Variants in MYOM2 observed in about 807,000 individuals in gnomAD.
The protein encoded by MYOM2 is myomesin 2, also known as myomesin-2.
MYOM2 carries 254 observed loss-of-function variants against 187.6 expected under a neutral mutation model. The observed-to-expected ratio is 1.35, with a 90% CI of 1.22 to 1.50. The LOEUF (loss-of-function observed/expected upper bound fraction) is 1.50, where lower values mean the gene tolerates loss of function less well. Ranked by LOEUF, MYOM2 falls within the 40% of genes most tolerant of loss-of-function variation. The probability of loss-of-function intolerance (pLI) is 0.00; values close to 1 mark genes in which losing one functional copy is unlikely to be tolerated. For synonymous variants in MYOM2, 981 were observed against 753.8 expected (o/e 1.30, Z -4.94); for missense variants, 2,796 against 1,924.0 (o/e 1.45, Z -8.48).
chr8:2,144,255 G>A (rs955173515), intron 36 of MYOM2, among the ~76,000 whole-genome samples: 1 of 152,186 alleles, frequency 6.6e-6, no homozygotes, highest in African/African-American at 2.4e-5. Context: ...GTTATAAAAC[G>A]ATATATTCAA....
At chr8:2,045,734 C>G (rs184788361) in intron 1 of MYOM2, among the ~76,000 whole-genome samples, 105 of 152,316 alleles carry the variant, frequency 6.9e-4, no homozygotes, top group African/African-American at 2.4e-3. Context: ...CTTCTTTGTG[C>G]TGTTGGGTGT....
intron 6 of MYOM2, among the ~76,000 whole-genome samples, chr8:2,066,965 T>C (rs1270309886): frequency 2.0e-5 from 3 of 152,186 alleles, no homozygotes; most frequent in Admixed American, 1.3e-4. Context: ...AAGATAATGT[T>C]CTTGGTTTGA....
chr8:2,106,142 T>A (rs1796879828), intron 21 of MYOM2, 100 bp from the exon 22 acceptor site: 1 of 1,175,408 alleles, frequency 8.5e-7, no homozygotes, highest in Non-Finnish European at 1.2e-6. Context: ...AGATGAGATT[T>A]GGGTGTGGAC....
chr8:2,088,315 G>A (rs1048086816), intron 14 of MYOM2, among the ~76,000 whole-genome samples: 1 of 152,258 alleles, frequency 6.6e-6, no homozygotes, highest in African/African-American at 2.4e-5. Context: ...GCTTCAGGGG[G>A]TACCTGTGCA....
chr8:2,094,868 T>C (rs576849346), intron 17 of MYOM2, among the ~76,000 whole-genome samples: 1 of 152,192 alleles, frequency 6.6e-6, no homozygotes, highest in Non-Finnish European at 1.5e-5. Context: ...ATCCTAAATC[T>C]CAGGGACCGT....
At chr8:2,108,595 A>T (rs1796968175) in intron 23 of MYOM2, among the ~76,000 whole-genome samples, 191 bp from the exon 24 acceptor site, 1 of 152,002 alleles carries the variant, frequency 6.6e-6, no homozygotes, top group African/African-American at 2.4e-5. Flanking sequence ...CCCCTGTACT[A>T]GGTGGGTTCT....
chr8:2,076,167 C>G lies in MYOM2; in HGVS notation c.1147C>G (p.Pro383Ala). 6.2e-7 allele frequency: 1 copy of G among 1,612,832 alleles called. No individual in the cohort carries two copies. Among genetic ancestry groups the G allele is most frequent in the Non-Finnish European group, 8.5e-7 (1 of 1,179,790 alleles). The change falls in exon 11 of 37, where the codon CCC becomes GCC. Residue 383 changes from proline (P) to alanine (A), a missense_variant. Transcript: ENST00000262113. ...RDADPLVTGA[P>A]GAPMDLQCHD... ...TGCTGACCCGCTGGTCACAGGGGCC[C>G]CCGGTGCACCCATGGACTTGCAGTG...
chr8:2,095,962 A>C (rs1430006752), intron 17 of MYOM2, among the ~76,000 whole-genome samples: 2 of 152,218 alleles, frequency 1.3e-5, no homozygotes, highest in Non-Finnish European at 2.9e-5. Context: ...TCAAATGTTC[A>C]TACCAGATTT....
intron 6 of MYOM2, among the ~76,000 whole-genome samples, chr8:2,066,758 C>T (rs1819033095): frequency 6.6e-6 from 1 of 152,138 alleles, no homozygotes. Context: ...GTTGTTAATG[C>T]TTAGCATTGG....
At chr8:2,108,655 T>C in intron 23 of MYOM2, 131 bp from the exon 24 acceptor site, 1 of 876,526 alleles carries the variant, frequency 1.1e-6, no homozygotes, top group Non-Finnish European at 1.9e-6. Flanking sequence ...GACTTGTAGT[T>C]TAAATTCCTT....
At chr8:2,094,788 C>G (rs891419719) in intron 17 of MYOM2, among the ~76,000 whole-genome samples, 1 of 152,164 alleles carries the variant, frequency 6.6e-6, no homozygotes, top group African/African-American at 2.4e-5. Flanking sequence ...ATTTATGTAA[C>G]TTTGAGACTT....
chr8:2,103,849 G>A (rs118020642), intron 21 of MYOM2, among the ~76,000 whole-genome samples: 4,962 of 152,224 alleles, frequency 0.033, 99 homozygotes, highest in South Asian at 0.078. Context: ...ATGTGTATAT[G>A]TGTATGTATG....
chr8:2,086,498 C>CACAGTTGTGATCTCTGCGTGGCCCCCT (rs1796076967), intron 14 of MYOM2, among the ~76,000 whole-genome samples: 1 of 142,416 alleles, frequency 7.0e-6, no homozygotes, highest in Non-Finnish European at 1.6e-5. Context: ...TGTGGCCCCC[C>CACAGTTGTGATCTCTGCGTGGCCCCCT]ACTGTCGTGA....
rs1045347751 is a variant in MYOM2, at chr8:2,045,061, C to T, written c.-120C>T. The T allele has an allele frequency of 1.3e-5, 2 of 152,556 alleles. No individual in the cohort carries two copies. The highest frequency in any genetic ancestry group is 4.8e-5 in the African/African-American group (2 of 41,432). 9.5% of individuals were successfully genotyped at this position (152,556 alleles called of 1,614,324 possible). A position where few individuals can be genotyped will look rare whatever the true frequency, so the allele number is the denominator to read the frequency against. ...CTTAAACGGGAGGGAGGCACAGGCG[C>T]TTGCTTTGCAGGAGTCAGCTCTGCC... On this transcript the variant is annotated 5_prime_UTR_variant, in exon 1 of 37. Coordinates refer to ENST00000262113, the MANE Select transcript of MYOM2 (RefSeq NM_003970.4).
intron 32 of MYOM2, among the ~76,000 whole-genome samples, chr8:2,136,216 A>C (rs114617168): frequency 6.6e-6 from 1 of 152,114 alleles, no homozygotes; most frequent in African/African-American, 2.4e-5. Flanking sequence ...TCCCCGGCTC[A>C]TGGCTACCTT....
intron 27 of MYOM2, among the ~76,000 whole-genome samples, chr8:2,117,203 T>G (rs1481552455): frequency 6.6e-6 from 1 of 152,244 alleles, no homozygotes; most frequent in African/African-American, 2.4e-5. Flanking sequence ...TTTTACTTAC[T>G]TCTACATTAT....
At chr8:2,061,826 C>T (rs1347957555) in intron 6 of MYOM2, among the ~76,000 whole-genome samples, 3 of 152,354 alleles carry the variant, frequency 2.0e-5, no homozygotes, top group African/African-American at 7.2e-5. Flanking sequence ...TGGCCCTGCT[C>T]ACAGAGAGCT....
chr8:2,142,874 A>T (rs1178745535), intron 35 of MYOM2, among the ~76,000 whole-genome samples: 2 of 150,198 alleles, frequency 1.3e-5, no homozygotes, highest in African/African-American at 2.4e-5. Context: ...TCCTGCCTCA[A>T]CTTCCCGAGT....
intron 14 of MYOM2, among the ~76,000 whole-genome samples, chr8:2,088,078 T>C (rs1490377575): frequency 2.0e-5 from 3 of 152,102 alleles, no homozygotes; most frequent in Non-Finnish European, 4.4e-5. Flanking sequence ...CCATTAGTTA[T>C]TGGGTACAGG....
Sources: gnomAD v4.1 joint callset for allele counts (sites outside exome capture counted in the v4.1 genomes callset) on GRCh38, gnomAD v4.1.1 for gene constraint, MANE v1.5 for transcripts, NCBI Gene and HGNC (gene_info 2026-07-23, HGNC 2026-07-21) for gene names.